Variants in MBD4 observed in about 807,000 individuals in gnomAD.
The protein encoded by MBD4 is methyl-CpG-binding domain protein 4.
Under a neutral mutation model 60.2 loss-of-function variants are expected in MBD4, and 53 were observed. That is an observed-to-expected ratio of 0.88 (90% CI 0.71 to 1.11). The LOEUF (loss-of-function observed/expected upper bound fraction) is 1.11. Among genes scored for constraint, MBD4 ranks in the 50% least tolerant of loss-of-function variants. The pLI is 0.00. For synonymous variants in MBD4, 231 were observed against 229.8 expected, an observed-to-expected ratio of 1.01 and a Z score of -0.05; for missense variants, 619 against 674.0, an observed-to-expected ratio of 0.92 and a Z score of 0.90.
At position 129,433,936 on chromosome 3, in the gene MBD4, C is replaced by T. The variant is rs200995882; in HGVS notation, c.1307G>A (p.Arg436Gln). The T allele has an allele frequency of 6.9e-5, 112 of 1,614,116 alleles. No homozygotes were observed. The Middle Eastern group carries it at 2.1e-3, about 31-fold the overall frequency. ...RKAFKKWTPPRSPFNLVQETL... is the reference protein window; with the variant it reads ...RKAFKKWTPPQSPFNLVQETL... ...TTCTTGAACGAGATTAAAAGGTGAC[C>T]GAGGAGGTGTCCATTTCTTAAAGGC... is the stretch of plus-strand genomic sequence containing the variant. Residue 436 changes from arginine to glutamine, a missense_variant, in exon 5 of 8, where the codon CGG (arginine) becomes CAG (glutamine). Arg to Gln is a conservative substitution (Grantham distance 43). Coordinates refer to ENST00000429544, the MANE Select transcript of MBD4 (RefSeq NM_001276270.2).
chr3:129,435,047 G>A (rs572580159), intron 3 of MBD4, among the ~76,000 whole-genome samples: 16 of 152,164 alleles, frequency 1.1e-4, no homozygotes, highest in Admixed American at 2.0e-4. Flanking sequence ...TGAAAAACAG[G>A]ACTAGTCAGG....
intron 7 of MBD4, among the ~76,000 whole-genome samples, chr3:129,432,021 A>G (rs2072354357): frequency 6.6e-6 from 1 of 152,184 alleles, no homozygotes. Flanking sequence ...GCAGCATACC[A>G]GGCCACCCAC....
At chr3:129,435,813 G>A (rs2072447799) in intron 3 of MBD4, among the ~76,000 whole-genome samples, 1 of 152,090 alleles carries the variant, frequency 6.6e-6, no homozygotes, top group Admixed American at 6.5e-5. Context: ...GTATTATAAA[G>A]ACAAAACTGC....
chr3:129,438,774 AAAAAAAACAAGCAACCGGGC>A (rs1559804171), intron 1 of MBD4, among the ~76,000 whole-genome samples: 1 of 151,810 alleles, frequency 6.6e-6, no homozygotes, highest in Non-Finnish European at 1.5e-5. Flanking sequence ...CAAAAAAACA[AAAAAAAACAAGCAACCGGGC>A]GTGGTGGAGC....
chr3:129,433,431 T>A (rs113476085), intron 5 of MBD4, 184 bp from the exon 6 acceptor site: 1 of 669,272 alleles, frequency 1.5e-6, no homozygotes. Context: ...ATGCCAAAAC[T>A]GCTAATATAT....
intron 5 of MBD4, 31 bp from the exon 6 acceptor site, chr3:129,433,278 A>G (rs2072390755): frequency 1.2e-6 from 2 of 1,612,788 alleles, no homozygotes; most frequent in Admixed American, 3.3e-5. Context: ...AATGATTACA[A>G]GACTCCAGGT....
intron 1 of MBD4, among the ~76,000 whole-genome samples, chr3:129,439,019 A>T (rs538193364): frequency 2.0e-5 from 3 of 152,314 alleles, no homozygotes; most frequent in African/African-American, 7.2e-5. Flanking sequence ...TAAAAAAAAA[A>T]TTTCAGTAAA....
chr3:129,439,822 A>G lies in MBD4; in HGVS notation c.12T>C (p.Thr4=), dbSNP rs1441737515. 1 of 1,611,362 alleles carries G rather than the reference A, an allele frequency of 6.2e-7. No individual in the cohort carries two copies. Among genetic ancestry groups the G allele is most frequent in the Non-Finnish European group, 8.5e-7 (1 of 1,178,920 alleles). Residue 4 remains threonine (T), a synonymous_variant, in exon 1 of 8, where the codon ACT becomes ACC. Coordinates refer to ENST00000429544, the MANE Select transcript of MBD4 (RefSeq NM_001276270.2). ...CCCCCAGACTCAGACTCTCCAGCCCAGTCGTGCCCATCGAGCAGGGTCCGG... is the reference window on the plus strand; with the variant it reads ...CCCCCAGACTCAGACTCTCCAGCCCGGTCGTGCCCATCGAGCAGGGTCCGG... MGT[T]GLESLSLGDR...
In MBD4 at chr3:129,436,585, TA is replaced by T. The variant is rs1234370047; in HGVS notation, c.1058del (p.Leu353Ter). ...CTTTTGTTCCGATTTCTTCAGATTCTAAAAAGGTATCCTCATACTTCTCGTT... is the reference window on the plus strand; with the variant it reads ...CTTTTGTTCCGATTTCTTCAGATTCTAAAAGGTATCCTCATACTTCTCGTT... ...EHNEKYEDTF[L>X]ESEEIGTKVE... On this transcript the variant is annotated frameshift_variant, in exon 3 of 8. Transcript: ENST00000429544. LOFTEE classifies it high-confidence loss of function. 4 of 1,614,074 alleles carry T rather than the reference TA, an allele frequency of 2.5e-6. No homozygotes were observed. Among genetic ancestry groups the T allele is most frequent in the Non-Finnish European group, 3.4e-6 (4 of 1,180,016 alleles).
chr3:129,438,368 T>C (rs1326878009), intron 1 of MBD4, among the ~76,000 whole-genome samples: 2 of 152,202 alleles, frequency 1.3e-5, no homozygotes, highest in Non-Finnish European at 2.9e-5. Context: ...TTTTACATAA[T>C]GTAAAATTTC....
chr3:129,434,020 A>T (rs768605674), intron 4 of MBD4, 36 bp from the exon 5 acceptor site: 1 of 1,614,144 alleles, frequency 6.2e-7, no homozygotes, highest in Non-Finnish European at 8.5e-7. Flanking sequence ...TGAAAACCCA[A>T]AATGGAATTA....
At chr3:129,432,272 C>G (rs2072359414) in intron 7 of MBD4, 1 of 1,460,362 alleles carries the variant, frequency 6.8e-7, no homozygotes, top group Admixed American at 2.4e-5. Context: ...GGTGACAAAC[C>G]ACTGGAGATG....
chr3:129,436,048 T>G (rs1336382912), intron 3 of MBD4, among the ~76,000 whole-genome samples: 1 of 152,240 alleles, frequency 6.6e-6, no homozygotes, highest in Non-Finnish European at 1.5e-5. Flanking sequence ...TTTATGTATA[T>G]AAGAAGCCTT....
chr3:129,438,304 C>T (rs2072528743), intron 1 of MBD4, among the ~76,000 whole-genome samples: 1 of 152,106 alleles, frequency 6.6e-6, no homozygotes, highest in African/African-American at 2.4e-5. Context: ...CCAGAAAATG[C>T]TTAAATAAAT....
Position 129,436,998 on chromosome 3 carries a change from C to T in MBD4, c.646G>A (p.Glu216Lys), listed in dbSNP as rs1446040712. 3 of 1,614,076 alleles carry T rather than the reference C, an allele frequency of 1.9e-6. No individual in the cohort carries two copies. The highest frequency in any genetic ancestry group is 1.3e-5 in the African/African-American group (1 of 74,926). Residue 216 changes from glutamate (E) to lysine (K), a missense_variant, in exon 3 of 8, where the codon GAA (glutamate) becomes AAA (lysine). Transcript: ENST00000429544. The stretch of plus-strand genomic sequence containing the variant: ...TTAACATCATCAACACCCTCATCTT[C>T]TTTCAAAAGCAAATGAGTGGAAGTA... Reference protein sequence around the residue: ...NFTSTHLLLKEDEGVDDVNFR... With the variant: ...NFTSTHLLLKKDEGVDDVNFR...
Position 129,439,426 on chromosome 3 carries a change from C to T in MBD4, c.104+304G>A, listed in dbSNP as rs3138336. Reference sequence around the variant, plus strand: ...TTTGAAAAAAGTAGGTAAATCTTAACCTCCTATCACACACGTAGTCTAATG... The same window carrying T: ...TTTGAAAAAAGTAGGTAAATCTTAATCTCCTATCACACACGTAGTCTAATG... On this transcript the variant is annotated intron_variant, in intron 1 of 7. Transcript: ENST00000429544. Among the ~76,000 whole-genome samples the T allele has an allele frequency of 6.6e-3, 1,006 of 152,246 alleles. 6 individuals are homozygous for T. Among genetic ancestry groups the T allele is most frequent in the African/African-American group, 0.023 (968 of 41,540 alleles).
At chr3:129,435,272 TGACAAC>T (rs1394156937) in intron 3 of MBD4, among the ~76,000 whole-genome samples, 1 of 152,074 alleles carries the variant, frequency 6.6e-6, no homozygotes, top group Admixed American at 6.5e-5. Context: ...TGCTCTGATT[TGACAAC>T]TTTTTCTGTG....
rs1001269015 is a variant in MBD4, at chr3:129,436,849, T to G, written c.795A>C (p.Glu265Asp). The change falls in exon 3 of 8, where the codon GAA becomes GAC. Residue 265 changes from glutamate to aspartate, a missense_variant. Coordinates refer to ENST00000429544, the MANE Select transcript of MBD4 (RefSeq NM_001276270.2). ...CAGCATCTGCTTTATTACACACAGATTCTCTTTTGCTATCACTTTGAACAA... is the reference window on the plus strand; with the variant it reads ...CAGCATCTGCTTTATTACACACAGAGTCTCTTTTGCTATCACTTTGAACAA... The part of the protein sequence containing the change: ...SGFVQSDSKR[E>D]SVCNKADAES... The G allele has an allele frequency of 6.2e-7, 1 of 1,614,070 alleles. No homozygotes were observed. Among genetic ancestry groups the G allele is most frequent in the African/African-American group, 1.3e-5 (1 of 74,948 alleles).
intron 3 of MBD4, 30 bp downstream of exon 3, chr3:129,436,431 A>G: frequency 1.2e-6 from 2 of 1,613,016 alleles, no homozygotes; most frequent in South Asian, 2.2e-5. Context: ...AGTGCTTGAA[A>G]GCACTGGATA....
Sources: allele counts gnomAD v4.1 joint callset (sites outside exome capture counted in the v4.1 genomes callset), GRCh38; gene constraint gnomAD v4.1.1; transcripts MANE v1.5; gene names NCBI Gene and HGNC (gene_info 2026-07-23, HGNC 2026-07-21).